Variants in PPP4R4 observed in about 807,000 individuals in gnomAD.
The protein encoded by PPP4R4 is serine/threonine-protein phosphatase 4 regulatory subunit 4.
A neutral mutation model predicts 121.8 loss-of-function variants in PPP4R4; 70 were observed. The ratio of observed to expected loss-of-function variants is 0.57; its 90% CI spans 0.47 to 0.70. The LOEUF is 0.70. PPP4R4 is among the 30% of genes least tolerant of loss of function. The pLI, the probability that PPP4R4 is intolerant of heterozygous loss-of-function variation, is 0.00. For synonymous variants in PPP4R4, 348 were observed against 355.7 expected, an observed-to-expected ratio of 0.98 and a Z score of 0.24; for missense variants, 875 against 1,033.6, an observed-to-expected ratio of 0.85 and a Z score of 2.10.
chr14:94,203,475 TC>T lies in PPP4R4; in HGVS notation c.192-4988del, dbSNP rs537522159. ...TTAAGGACATATCATTGTTTTCATATCTTTTTTTTGTTGTTGTTTTGTTCAA... is the reference window on the plus strand; with the variant it reads ...TTAAGGACATATCATTGTTTTCATATTTTTTTTTGTTGTTGTTTTGTTCAA... On this transcript the variant is annotated intron_variant, in intron 2 of 24. Coordinates refer to ENST00000304338, the MANE Select transcript of PPP4R4 (RefSeq NM_058237.2). 3.2e-3 allele frequency among the ~76,000 whole-genome samples: 490 copies of T among 152,310 alleles called. 1 individual carries two copies. The highest frequency in any genetic ancestry group is 0.014 in the Middle Eastern group (4 of 294).
At chr14:94,270,365 A>C (rs1264586658) in intron 23 of PPP4R4, among the ~76,000 whole-genome samples, 1 of 152,222 alleles carries the variant, frequency 6.6e-6, no homozygotes, top group Non-Finnish European at 1.5e-5. Flanking sequence ...GTCTTTTTGC[A>C]GAAATTTATA....
intron 11 of PPP4R4, among the ~76,000 whole-genome samples, chr14:94,243,630 C>T (rs951759797): frequency 1.2e-4 from 18 of 152,172 alleles, no homozygotes; most frequent in African/African-American, 4.3e-4. Flanking sequence ...CATGTGTATA[C>T]AAATATGTTT....
At chr14:94,260,365 G>A (rs1893716888) in intron 19 of PPP4R4, among the ~76,000 whole-genome samples, 1 of 152,056 alleles carries the variant, frequency 6.6e-6, no homozygotes, top group Non-Finnish European at 1.5e-5. Flanking sequence ...GGCAGAGCTT[G>A]CAGTGAACCG....
In PPP4R4 at chr14:94,244,715, A is replaced by G. The variant is rs1892802773; in HGVS notation, c.1344+3A>G. 4.0e-6 allele frequency: 6 copies of G among 1,490,196 alleles called. No individual in the cohort carries two copies. The highest frequency in any genetic ancestry group is 5.4e-6 in the Non-Finnish European group (6 of 1,103,762). 92.3% of individuals were successfully genotyped at this position (1,490,196 alleles called of 1,614,324 possible). On this transcript the variant is annotated splice_donor_region_variant and intron_variant, in intron 12 of 24. Coordinates refer to ENST00000304338, the MANE Select transcript of PPP4R4 (RefSeq NM_058237.2). The stretch of plus-strand genomic sequence containing the variant: ...TATTACAAGATGAATCACTGGAGGT[A>G]ATATTTTCTTACTCTTTGATTTTTA...
intron 3 of PPP4R4, among the ~76,000 whole-genome samples, chr14:94,217,123 A>G (rs145194386): frequency 6.6e-6 from 1 of 152,320 alleles, no homozygotes; most frequent in East Asian, 1.9e-4. Flanking sequence ...AGAATACTCT[A>G]CATCCACCAT....
intron 23 of PPP4R4, among the ~76,000 whole-genome samples, chr14:94,269,669 A>C (rs1383270667): frequency 1.3e-5 from 2 of 151,904 alleles, no homozygotes; most frequent in Non-Finnish European, 2.9e-5. Context: ...AAAAAAAAAA[A>C]CAAAAACAAA....
At chr14:94,191,507 G>A (rs1417098476) in intron 2 of PPP4R4, among the ~76,000 whole-genome samples, 4 of 152,088 alleles carry the variant, frequency 2.6e-5, no homozygotes, top group Non-Finnish European at 5.9e-5. Context: ...TGAACATTCA[G>A]AATTCTCTCT....
intron 3 of PPP4R4, among the ~76,000 whole-genome samples, chr14:94,228,766 G>T (rs1891858513): frequency 6.6e-6 from 1 of 152,178 alleles, no homozygotes; most frequent in African/African-American, 2.4e-5. Flanking sequence ...AATGCCTGCT[G>T]TGTGCTAGGA....
chr14:94,216,486 T>A (rs1891025730), intron 3 of PPP4R4, among the ~76,000 whole-genome samples: 1 of 152,192 alleles, frequency 6.6e-6, no homozygotes, highest in African/African-American at 2.4e-5. Context: ...AACTTGTAGC[T>A]TAGACACAGA....
chr14:94,237,794 C>T (rs760688760), intron 8 of PPP4R4, 108 bp downstream of exon 8: 38 of 1,300,502 alleles, frequency 2.9e-5, no homozygotes, highest in Non-Finnish European at 3.7e-5. Context: ...GTTAAGCCTC[C>T]CTTCCTCTCC....
rs1888538645 is a variant in PPP4R4, at chr14:94,174,385, G to A, written c.-81G>A. 1 of 1,250,344 alleles carries A rather than the reference G, an allele frequency of 8.0e-7. No individual in the cohort carries two copies. Among genetic ancestry groups the A allele is most frequent in the East Asian group, 3.2e-5 (1 of 30,984 alleles). The allele number at this position is 1,250,344 out of a possible 1,614,324, so 77.5% of individuals were successfully genotyped here. On this transcript the variant is annotated 5_prime_UTR_variant, in exon 1 of 25. Transcript: ENST00000304338. Reference sequence around the variant, plus strand: ...GCGGCCAAGAGCCGGAGAAAGTCCTGCTGGTGGGCGGCCGCGGGGCTGAGG... The same window carrying A: ...GCGGCCAAGAGCCGGAGAAAGTCCTACTGGTGGGCGGCCGCGGGGCTGAGG...
chr14:94,261,711 T>A (rs1414508810), intron 19 of PPP4R4, among the ~76,000 whole-genome samples: 1 of 151,980 alleles, frequency 6.6e-6, no homozygotes, highest in Non-Finnish European at 1.5e-5. Flanking sequence ...TTATGTAGAT[T>A]CCCTTTATCA....
intron 2 of PPP4R4, among the ~76,000 whole-genome samples, chr14:94,199,294 G>T (rs1056779554): frequency 1.3e-5 from 2 of 152,244 alleles, no homozygotes; most frequent in Admixed American, 6.5e-5. Flanking sequence ...GGCGTGCAGT[G>T]GGGGAGTGGC....
At chr14:94,204,108 C>T (rs1187551848) in intron 2 of PPP4R4, among the ~76,000 whole-genome samples, 1 of 152,024 alleles carries the variant, frequency 6.6e-6, no homozygotes, top group Non-Finnish European at 1.5e-5. Flanking sequence ...CTTTGTCTAG[C>T]CCTAGATCTA....
Position 94,266,898 on chromosome 14 carries a change from G to C in PPP4R4, c.2379-61G>C, listed in dbSNP as rs749228020. 5 of 1,089,992 alleles carry C rather than the reference G, an allele frequency of 4.6e-6. No homozygotes were observed. The African/African-American group carries it at 4.7e-5, about 10-fold the overall frequency. 67.5% of individuals were successfully genotyped at this position (1,089,992 alleles called of 1,614,324 possible). On this transcript the variant is annotated intron_variant, in intron 22 of 24. Coordinates refer to ENST00000304338, the MANE Select transcript of PPP4R4 (RefSeq NM_058237.2). ...GAAGATTAAAACAGCACAAGTGTTA[G>C]ATGACTGAGATTGTAAGAAGTGTGT...
chr14:94,245,602 A>T lies in PPP4R4; in HGVS notation c.1360A>T (p.Ile454Leu), dbSNP rs757535001. The T allele has an allele frequency of 1.3e-6, 2 of 1,584,682 alleles. No individual in the cohort carries two copies. Among genetic ancestry groups the T allele is most frequent in the Non-Finnish European group, 1.7e-6 (2 of 1,155,470 alleles). ...DESLEVLDAL[I>L]DHLPEILELM... ...CTGTTAAAAGGTACTAGATGCTCTTATAGATCATCTTCCAGAAATCTTGGA... is the reference window on the plus strand; with the variant it reads ...CTGTTAAAAGGTACTAGATGCTCTTTTAGATCATCTTCCAGAAATCTTGGA... The change falls in exon 13 of 25, where the codon ATA (isoleucine) becomes TTA (leucine). Residue 454 changes from isoleucine (I) to leucine (L), a missense_variant. Coordinates refer to ENST00000304338, the MANE Select transcript of PPP4R4 (RefSeq NM_058237.2).
At chr14:94,259,224 G>T in intron 18 of PPP4R4, 71 bp from the exon 19 acceptor site, 1 of 1,528,996 alleles carries the variant, frequency 6.5e-7, no homozygotes. Flanking sequence ...CATTTATATT[G>T]AAAGGAATAT....
chr14:94,269,641 C>T (rs1894220419), intron 23 of PPP4R4, among the ~76,000 whole-genome samples: 1 of 150,002 alleles, frequency 6.7e-6, no homozygotes, highest in African/African-American at 2.5e-5. Context: ...GGAGAGAGAG[C>T]GAGACTCCAT....
intron 23 of PPP4R4, among the ~76,000 whole-genome samples, chr14:94,274,990 T>C (rs1398773371): frequency 2.6e-5 from 4 of 152,152 alleles, no homozygotes; most frequent in Non-Finnish European, 4.4e-5. Flanking sequence ...AAAACATGAA[T>C]GATTTTCAAA....
Sources: allele counts gnomAD v4.1 joint callset (sites outside exome capture counted in the v4.1 genomes callset), GRCh38; gene constraint gnomAD v4.1.1; transcripts MANE v1.5; gene names NCBI Gene and HGNC (gene_info 2026-07-23, HGNC 2026-07-21).